The following SRP54 variants were observed in gnomAD, a reference collection of about 807,000 sequenced individuals.
SRP54 encodes the protein signal recognition particle subunit SRP54.
A neutral mutation model predicts 64.8 loss-of-function variants in SRP54; 10 were observed. That is an observed-to-expected ratio of 0.15 (90% confidence interval 0.10 to 0.26). SRP54 has a LOEUF of 0.26. SRP54 is among the 10% of genes least tolerant of loss of function. SRP54 has a pLI of 1.00. For missense variants in SRP54, 325 were observed against 613.7 expected (o/e 0.53, Z 4.97); for synonymous variants, 193 against 185.6 (o/e 1.04, Z -0.32).
intron 13 of SRP54, among the ~76,000 whole-genome samples, chr14:35,019,916 A>G (rs540568824): frequency 6.6e-6 from 1 of 152,280 alleles, no homozygotes; most frequent in Non-Finnish European, 1.5e-5. Context: ...GCAGTGGCTC[A>G]CGACGCCTGT....
intron 2 of SRP54, among the ~76,000 whole-genome samples, chr14:34,998,800 C>T (rs1006670257): frequency 1.3e-4 from 19 of 148,570 alleles, no homozygotes; most frequent in Non-Finnish European, 2.4e-4. Flanking sequence ...GCAACAAGAG[C>T]GAAACTCTGA....
intron 1 of SRP54, among the ~76,000 whole-genome samples, chr14:34,992,228 C>T (rs942339696): frequency 2.0e-5 from 3 of 151,916 alleles, no homozygotes; most frequent in African/African-American, 4.8e-5. Context: ...CCACTGGGCC[C>T]GGACAGATTT....
Position 35,018,810 on chromosome 14 carries a change from A to G in SRP54, c.1047+45A>G, listed in dbSNP as rs377147868. ...TTATACCTTCTTTTGTTTTCATTAA[A>G]TTTTCTAAAATAGATACACTTGCTT... On this transcript the variant is annotated intron_variant, in intron 12 of 15. Coordinates refer to ENST00000216774, the MANE Select transcript of SRP54 (RefSeq NM_003136.4). 31 of 1,547,276 alleles carry G rather than the reference A, an allele frequency of 2.0e-5. No homozygotes were observed. The African/African-American group carries it at 4.0e-4, about 20-fold the overall frequency.
rs200951712 is a variant in SRP54, at chr14:35,029,180, A to G, written c.*28A>G. The G allele has an allele frequency of 4.8e-5, 76 of 1,577,012 alleles. No homozygotes were observed. The African/African-American group carries it at 9.7e-4, about 20-fold the overall frequency. ...AAAATGCCTTAATATAAACTGACTCAGTTGAATACCTAATTTGCTGAGACC... is the reference window on the plus strand; with the variant it reads ...AAAATGCCTTAATATAAACTGACTCGGTTGAATACCTAATTTGCTGAGACC... On this transcript the variant is annotated 3_prime_UTR_variant, in exon 16 of 16. Coordinates refer to ENST00000216774, the MANE Select transcript of SRP54 (RefSeq NM_003136.4).
chr14:35,007,485 A>G, intron 5 of SRP54, 98 bp downstream of exon 5: 1 of 372,334 alleles, frequency 2.7e-6, no homozygotes, highest in Non-Finnish European at 4.5e-6. Context: ...TGGCTTTATA[A>G]TGTTGAAATA....
intron 4 of SRP54, chr14:35,004,465 CCAGTAT>C (rs1436669061): frequency 6.6e-6 from 1 of 152,042 alleles, no homozygotes; most frequent in East Asian, 1.9e-4. Context: ...AGATCATTTA[CCAGTAT>C]AAGATTCATT....
chr14:35,023,787 A>AACAC (rs57037784), intron 14 of SRP54, among the ~76,000 whole-genome samples: 7,214 of 140,246 alleles, frequency 0.051, 193 homozygotes, highest in South Asian at 0.076. Flanking sequence ...CCGGTCCCCA[A>AACAC]ACACACACAC....
chr14:35,011,401 G>T, intron 7 of SRP54, 108 bp from the exon 8 acceptor site: 1 of 727,794 alleles, frequency 1.4e-6, no homozygotes, highest in Non-Finnish European at 2.1e-6. Flanking sequence ...AATTGAAATT[G>T]GGGTCATTTT....
intron 4 of SRP54, among the ~76,000 whole-genome samples, chr14:35,002,653 T>C (rs990428707): frequency 6.7e-6 from 1 of 150,240 alleles, no homozygotes; most frequent in African/African-American, 2.4e-5. Context: ...GCCAGGATGG[T>C]CTCTATCTCT....
intron 1 of SRP54, among the ~76,000 whole-genome samples, chr14:34,991,124 TTTTTTG>T (rs1237031300): frequency 2.9e-5 from 3 of 102,396 alleles, no homozygotes; most frequent in South Asian, 7.1e-4. Flanking sequence ...TTTTTTTTTT[TTTTTTG>T]TTGTTGTTGT....
intron 1 of SRP54, among the ~76,000 whole-genome samples, chr14:34,985,650 T>C (rs1384648148): frequency 6.6e-6 from 1 of 152,178 alleles, no homozygotes; most frequent in Non-Finnish European, 1.5e-5. Flanking sequence ...AGAACAGATT[T>C]CTCATTCTGT....
At chr14:34,992,390 A>G (rs1266731580) in intron 1 of SRP54, among the ~76,000 whole-genome samples, 1 of 152,194 alleles carries the variant, frequency 6.6e-6, no homozygotes, top group African/African-American at 2.4e-5. Context: ...AAGTTTTTAA[A>G]ATTTTTAAAT....
rs1424619179 is a variant in SRP54, at chr14:35,011,495, T to G, written c.486-14T>G. 3 of 1,422,156 alleles carry G rather than the reference T, an allele frequency of 2.1e-6. No individual in the cohort carries two copies. The East Asian group carries it at 7.3e-5, about 35-fold the overall frequency. 88.1% of individuals were successfully genotyped at this position (1,422,156 alleles called of 1,614,324 possible). The stretch of plus-strand genomic sequence containing the variant: ...TTTTGTCGTTTTGTTAAATCATTTG[T>G]CCATGTTATATAGCTATACAGAAAT... On this transcript the variant is annotated splice_polypyrimidine_tract_variant and intron_variant, in intron 7 of 15. Transcript: ENST00000216774.
intron 4 of SRP54, among the ~76,000 whole-genome samples, chr14:35,005,674 A>G (rs569051248): frequency 3.3e-5 from 5 of 152,310 alleles, no homozygotes; most frequent in Non-Finnish European, 5.9e-5. Context: ...GGCCGGGATT[A>G]TAGGCATGAG....
chr14:35,008,944 T>C lies in SRP54; in HGVS notation c.485+113T>C, dbSNP rs1172050656. 5.0e-6 allele frequency: 4 copies of C among 802,242 alleles called. No individual in the cohort carries two copies. In the African/African-American group the frequency reaches 5.5e-5, roughly 11 times the overall value. The allele number at this position is 802,242 out of a possible 1,614,324, so 49.7% of individuals were successfully genotyped here. A position where few individuals can be genotyped will look rare whatever the true frequency, so the allele number is the denominator to read the frequency against. On this transcript the variant is annotated intron_variant, in intron 7 of 15. Transcript: ENST00000216774. ...CTCTGTCACCCAGGCTGGGGTGCAATGGTGCGATCTTGGCTCACTGCAACC... is the reference window on the plus strand; with the variant it reads ...CTCTGTCACCCAGGCTGGGGTGCAACGGTGCGATCTTGGCTCACTGCAACC...
At chr14:35,022,627 T>G (rs112510746) in intron 13 of SRP54, among the ~76,000 whole-genome samples, 26,009 of 152,184 alleles carry the variant, frequency 0.17, 2,404 homozygotes, top group East Asian at 0.31. Flanking sequence ...AGTGTTGTGA[T>G]TACAGGCATG....
chr14:34,999,518 C>A, intron 2 of SRP54, 40 bp from the exon 3 acceptor site: 1 of 1,453,760 alleles, frequency 6.9e-7, no homozygotes, highest in Non-Finnish European at 9.6e-7. Context: ...TGAAATGAAA[C>A]ATTGGGTGCT....
intron 4 of SRP54, among the ~76,000 whole-genome samples, chr14:35,001,783 A>G (rs990521765): frequency 7.9e-5 from 12 of 152,210 alleles, no homozygotes; most frequent in African/African-American, 2.7e-4. Context: ...ATTTTCAAAT[A>G]GTAAATATAG....
intron 2 of SRP54, 27 bp from the exon 3 acceptor site, chr14:34,999,531 A>G: frequency 4.5e-6 from 7 of 1,564,114 alleles, no homozygotes; most frequent in Non-Finnish European, 6.1e-6. Flanking sequence ...TGGGTGCTTT[A>G]AATTTCATTT....
Sources: gnomAD v4.1 joint callset for allele counts (sites outside exome capture counted in the v4.1 genomes callset) on GRCh38, gnomAD v4.1.1 for gene constraint, MANE v1.5 for transcripts, NCBI Gene and HGNC (gene_info 2026-07-23, HGNC 2026-07-21) for gene names.